Variants in IL7 observed in about 807,000 individuals in gnomAD.
IL7 encodes interleukin-7.
A neutral mutation model predicts 21.6 loss-of-function variants in IL7; 3 were observed. The ratio of observed to expected loss-of-function variants is 0.14; its 90% CI spans 0.06 to 0.36. The LOEUF is 0.36. Ranked by LOEUF, IL7 falls within the 10% of genes least tolerant of loss-of-function variation. The pLI, the probability that IL7 is intolerant of heterozygous loss-of-function variation, is 1.00. For missense variants in IL7, 175 were observed against 200.2 expected (o/e 0.87, Z 0.76); for synonymous variants, 62 against 68.1 (o/e 0.91, Z 0.44).
At chr8:78,777,943 A>T (rs1813187862) in intron 2 of IL7, among the ~76,000 whole-genome samples, 1 of 152,084 alleles carries the variant, frequency 6.6e-6, no homozygotes. Context: ...AAGGTCTTGC[A>T]AAATCTAGCC....
At chr8:78,804,871 G>C in intron 1 of IL7, 42 bp downstream of exon 1, 1 of 1,611,618 alleles carries the variant, frequency 6.2e-7, no homozygotes, top group Non-Finnish European at 8.5e-7. Flanking sequence ...GCCCCGGCGC[G>C]TCGGGCGCGC....
chr8:78,779,868 G>A (rs926556593), intron 2 of IL7, among the ~76,000 whole-genome samples: 14 of 151,960 alleles, frequency 9.2e-5, no homozygotes, highest in Non-Finnish European at 1.8e-4. Flanking sequence ...GTCTGGTCGC[G>A]GGTTTTCTTG....
chr8:78,777,873 C>T (rs955373184), intron 2 of IL7, among the ~76,000 whole-genome samples: 5 of 152,150 alleles, frequency 3.3e-5, no homozygotes, highest in Middle Eastern at 3.4e-3. Context: ...GTTTAAAAGC[C>T]TGATCGCTCC....
rs962627930 is a variant in IL7 at position 78,696,822 on chromosome 8, A to G, written n.215-10875T>C. Among the ~76,000 whole-genome samples the G allele has an allele frequency of 2.6e-5, 4 of 152,326 alleles. No individual in the cohort carries two copies. The East Asian group carries it at 7.7e-4, about 29-fold the overall frequency. On this transcript the variant is annotated intron_variant and non_coding_transcript_variant, in intron 3 of 4. Transcript: ENST00000523959. ...TATCAGTAGGAAATATGGCTGAATT[A>G]TATATATGGAATATAAAAACACATC...
chr8:78,775,249 C>A (rs1176858155), intron 2 of IL7, among the ~76,000 whole-genome samples: 1 of 152,094 alleles, frequency 6.6e-6, no homozygotes, highest in African/African-American at 2.4e-5. Flanking sequence ...GCCTAGCTAT[C>A]AGTGTTCATG....
At chr8:78,761,532 A>G in intron 2 of IL7, 5 of 1,611,962 alleles carry the variant, frequency 3.1e-6, no homozygotes, top group Non-Finnish European at 4.2e-6. Flanking sequence ...TCAGCTTCAT[A>G]AGGCAGGAAG....
chr8:78,798,161 A>G lies in IL7; in HGVS notation c.58T>C (p.Leu20=). 1 of 1,611,920 alleles carries G rather than the reference A, an allele frequency of 6.2e-7. No individual in the cohort carries two copies. Among genetic ancestry groups the G allele is most frequent in the Non-Finnish European group, 8.5e-7 (1 of 1,178,318 alleles). Residue 20 remains leucine, a synonymous_variant, in exon 2 of 6, where the codon TTG becomes CTG. Transcript: ENST00000263851. ...FGLPPLILVL[L]PVASSDCDIE... is the part of the protein sequence containing the mutation. ...TCACAATCAGATGATGCTACTGGCA[A>G]CAGAACAAGGATCAGGGGAGGAAGT...
intron 2 of IL7, chr8:78,760,782 G>T: frequency 2.0e-6 from 3 of 1,530,776 alleles, no homozygotes; most frequent in Non-Finnish European, 2.6e-6. Flanking sequence ...AGTTTCATTT[G>T]AATATCAAGT....
intron 2 of IL7, chr8:78,761,193 T>A (rs1812543542): frequency 6.3e-7 from 1 of 1,592,530 alleles, no homozygotes; most frequent in South Asian, 1.2e-5. Flanking sequence ...CTTTCTTTAC[T>A]GTTCTGAAAA....
At chr8:78,726,510 A>G (rs1012970098) in intron 3 of IL7, among the ~76,000 whole-genome samples, 3 of 151,994 alleles carry the variant, frequency 2.0e-5, no homozygotes, top group African/African-American at 7.2e-5. Context: ...GAGTGACCTG[A>G]TCTGGCTTAA....
Position 78,762,344 on chromosome 8 carries a change from G to C in IL7, c.148-22262C>G. 3.1e-6 allele frequency: 5 copies of C among 1,612,200 alleles called. No homozygotes were observed. In the South Asian group the frequency reaches 5.5e-5, roughly 18 times the overall value. On this transcript the variant is annotated intron_variant, in intron 2 of 5. Transcript: ENST00000263851. The stretch of plus-strand genomic sequence containing the variant: ...CTCCACCCACTTCTGGCATCTGGCA[G>C]GGTCCCGCGGGAAGCTGAAGAAGGC...
intron 3 of IL7, among the ~76,000 whole-genome samples, chr8:78,705,377 T>G (rs998079068): frequency 6.6e-6 from 1 of 152,194 alleles, no homozygotes; most frequent in Non-Finnish European, 1.5e-5. Flanking sequence ...CTAGTCACCT[T>G]GGATTTTTCA....
At position 78,687,711 on chromosome 8, in the gene IL7, TATTTACGTAATACA is replaced by T. The variant is rs1563626848; in HGVS notation, n.215-1778_215-1765del. 1.4e-4 allele frequency among the ~76,000 whole-genome samples: 13 copies of T among 94,514 alleles called. 2 individuals are homozygous for T. Among genetic ancestry groups the T allele is most frequent in the East Asian group, 5.9e-4 (2 of 3,382 alleles). The allele number at this position is 94,514 out of a possible 152,430, so 62.0% of individuals were successfully genotyped here. A position where few individuals can be genotyped will look rare whatever the true frequency, so the allele number is the denominator to read the frequency against. On this transcript the variant is annotated intron_variant and non_coding_transcript_variant, in intron 3 of 4. Coordinates refer to the IL7 transcript ENST00000523959. The stretch of plus-strand genomic sequence containing the variant: ...ATATTTACGTAATACATTATATATA[TATTTACGTAATACA>T]TTATATATATTTATGTAATACATTA...
chr8:78,751,825 C>T (rs551249925), intron 2 of IL7, among the ~76,000 whole-genome samples: 17 of 152,272 alleles, frequency 1.1e-4, no homozygotes, highest in South Asian at 2.1e-4. Flanking sequence ...TTATGGTAAA[C>T]TATGTTCACC....
intron 2 of IL7, among the ~76,000 whole-genome samples, chr8:78,757,206 C>T (rs10105595): frequency 0.012 from 1,807 of 151,770 alleles, 25 homozygotes; most frequent in African/African-American, 0.04. Flanking sequence ...CAAAATTTCT[C>T]TTATTATTGA....
chr8:78,708,583 A>G (rs1810855062), intron 3 of IL7, among the ~76,000 whole-genome samples: 2 of 152,012 alleles, frequency 1.3e-5, no homozygotes, highest in Non-Finnish European at 2.9e-5. Context: ...AATCAAATCA[A>G]TTTCTAGGTC....
intron 3 of IL7, among the ~76,000 whole-genome samples, chr8:78,690,682 A>C (rs1810182576): frequency 6.6e-6 from 1 of 152,204 alleles, no homozygotes; most frequent in Non-Finnish European, 1.5e-5. Context: ...TTCATAAATC[A>C]ATTTGAGAAG....
At chr8:78,738,072 G>A (rs1216973418) in intron 4 of IL7, among the ~76,000 whole-genome samples, 1 of 152,014 alleles carries the variant, frequency 6.6e-6, no homozygotes, top group Non-Finnish European at 1.5e-5. Context: ...GAAAATTGTT[G>A]GACATGTTTA....
In IL7 at chr8:78,789,801, A is replaced by G. The variant is rs189349328; in HGVS notation, c.147+8271T>C. Among the ~76,000 whole-genome samples, 379 of 152,310 alleles carry G rather than the reference A, an allele frequency of 2.5e-3. 2 individuals carry two copies. The highest frequency in any genetic ancestry group is 8.5e-3 in the African/African-American group (352 of 41,564). ...ACTATAGAATTTGGTGATGGATGAG[A>G]TGAAGGCCATCAAAGATGATTCTAG... On this transcript the variant is annotated intron_variant, in intron 2 of 5. Transcript: ENST00000263851.
Sources: allele counts gnomAD v4.1 joint callset (sites outside exome capture counted in the v4.1 genomes callset), GRCh38; gene constraint gnomAD v4.1.1; transcripts MANE v1.5; gene names NCBI Gene and HGNC (gene_info 2026-07-23, HGNC 2026-07-21).